EPS8: variants seen among roughly 807,000 people sequenced by gnomAD.
EPS8 encodes epidermal growth factor receptor kinase substrate 8.
Under a neutral mutation model 103.8 loss-of-function variants are expected in EPS8, and 42 were observed. The observed-to-expected ratio is 0.40, with a 90% CI of 0.32 to 0.52. EPS8 has a LOEUF of 0.52. EPS8 is among the 20% of genes least tolerant of loss of function. EPS8 has a pLI of 0.40. For missense variants in EPS8, 969 were observed against 1,005.1 expected, an observed-to-expected ratio of 0.96 and a Z score of 0.49; for synonymous variants, 344 against 344.6, an observed-to-expected ratio of 1.00 and a Z score of 0.02.
chr12:15,625,019 C>T (rs1944922434), intron 18 of EPS8, among the ~76,000 whole-genome samples: 1 of 152,170 alleles, frequency 6.6e-6, no homozygotes, highest in East Asian at 1.9e-4. Context: ...ATGTAACTGC[C>T]CACTGTCTTA....
chr12:15,650,771 ATACACAGATAAT>A (rs1277676699), intron 14 of EPS8, 40 bp downstream of exon 14: 19 of 1,403,780 alleles, frequency 1.4e-5, no homozygotes, highest in Non-Finnish European at 1.9e-5. Context: ...TTACAAGAGA[ATACACAGATAAT>A]TACACTGTCT....
chr12:15,631,618 G>A lies in EPS8; in HGVS notation c.1868C>T (p.Ala623Val). Residue 623 changes from alanine (A) to valine (V), a missense_variant, in exon 18 of 21, where the codon GCT becomes GTT. By Grantham distance (64) the Ala-to-Val change is moderately conservative. Transcript: ENST00000281172. ...AGCTGGTGTTGGAGGAGGTGATGGAGCAGGGGGAGTATCAGCTGGTCTTGG... is the reference window on the plus strand; with the variant it reads ...AGCTGGTGTTGGAGGAGGTGATGGAACAGGGGGAGTATCAGCTGGTCTTGG... Reference protein sequence around the residue: ...YGPRPADTPPAPSPPPTPAPV... With the variant: ...YGPRPADTPPVPSPPPTPAPV... 6.2e-7 allele frequency: 1 copy of A among 1,613,982 alleles called. No homozygotes were observed. The highest frequency in any genetic ancestry group is 8.5e-7 in the Non-Finnish European group (1 of 1,179,922).
intron 1 of EPS8, among the ~76,000 whole-genome samples, chr12:15,737,468 A>G (rs992975090): frequency 6.6e-6 from 1 of 152,116 alleles, no homozygotes; most frequent in Non-Finnish European, 1.5e-5. Context: ...AACAACAACA[A>G]CTAACATCTA....
rs143427706 is a variant in EPS8, at chr12:15,777,810, A to G, written c.-22+11351T>C. On this transcript the variant is annotated intron_variant, in intron 1 of 20. Transcript: ENST00000281172. This position sits in a 1 kb window ranked among gnomAD's most constrained non-coding sequence, Gnocchi z 4.7. ...AAGGGGGTGATGAAGGAAAGCCCACATGGTTATTTATCTGCTTCAAGAGTT... is the reference window on the plus strand; with the variant it reads ...AAGGGGGTGATGAAGGAAAGCCCACGTGGTTATTTATCTGCTTCAAGAGTT... Among the ~76,000 whole-genome samples the G allele has an allele frequency of 3.3e-5, 5 of 152,314 alleles. No homozygotes were observed. Among genetic ancestry groups the G allele is most frequent in the Admixed American group, 1.3e-4 (2 of 15,294 alleles).
rs1162919257 is a variant in EPS8 at position 15,769,746 on chromosome 12, T to G, written c.-22+19415A>C. Reference sequence around the variant, plus strand: ...TCAGTCTTTTGTCTAACACTAGCATTCACGAGAATCTGATCACAGAGCAAA... The same window carrying G: ...TCAGTCTTTTGTCTAACACTAGCATGCACGAGAATCTGATCACAGAGCAAA... On this transcript the variant is annotated intron_variant, in intron 1 of 20. Coordinates refer to ENST00000281172, the MANE Select transcript of EPS8 (RefSeq NM_004447.6). The surrounding 1 kb of genome is among the most constrained non-coding windows in gnomAD (Gnocchi z 4.6). 6.6e-6 allele frequency among the ~76,000 whole-genome samples: 1 copy of G among 152,166 alleles called. No individual in the cohort carries two copies. Among genetic ancestry groups the G allele is most frequent in the Non-Finnish European group, 1.5e-5 (1 of 68,022 alleles).
At chr12:15,742,486 A>C (rs1265811201) in intron 1 of EPS8, among the ~76,000 whole-genome samples, 1 of 152,152 alleles carries the variant, frequency 6.6e-6, no homozygotes, top group South Asian at 2.1e-4. Flanking sequence ...CAATATCCCT[A>C]ATGAACATCA....
chr12:15,750,554 A>T (rs1165335574), intron 1 of EPS8, among the ~76,000 whole-genome samples: 1 of 152,206 alleles, frequency 6.6e-6, no homozygotes, highest in East Asian at 1.9e-4. Context: ...AGGTAGATGA[A>T]GAGATGAATC....
rs1172134313 is a variant in EPS8, at chr12:15,776,780, T to C, written c.-22+12381A>G. ...TTGAGAATTTTAGCGTTTCCCCTTTTGCTACCGCCAAACTATTTTTATATC... is the reference window on the plus strand; with the variant it reads ...TTGAGAATTTTAGCGTTTCCCCTTTCGCTACCGCCAAACTATTTTTATATC... On this transcript the variant is annotated intron_variant, in intron 1 of 20. Transcript: ENST00000281172. The surrounding 1 kb of genome is among the most constrained non-coding windows in gnomAD (Gnocchi z 4.2). Among the ~76,000 whole-genome samples the C allele has an allele frequency of 6.6e-6, 1 of 152,202 alleles. No individual in the cohort carries two copies. The highest frequency in any genetic ancestry group is 2.4e-5 in the African/African-American group (1 of 41,452).
At chr12:15,640,226 C>T (rs1945205078) in intron 17 of EPS8, among the ~76,000 whole-genome samples, 1 of 152,118 alleles carries the variant, frequency 6.6e-6, no homozygotes, top group South Asian at 2.1e-4. Context: ...TGAACAGGTA[C>T]TCATGTATTA....
chr12:15,624,371 A>G lies in EPS8; in HGVS notation c.2081T>C (p.Leu694Pro). The G allele has an allele frequency of 1.3e-6, 2 of 1,588,300 alleles. No individual in the cohort carries two copies. Among genetic ancestry groups the G allele is most frequent in the Non-Finnish European group, 8.6e-7 (1 of 1,163,460 alleles). ...KSQMEEVQDE[L>P]IHRLTIGRSA... ...CCGACCAATGGTCAGTCTGTGGATG[A>G]GTTCATCTTGCACTTCCTCCATCTG... Residue 694 changes from leucine (L) to proline (P), a missense_variant, in exon 19 of 21, where the codon CTC becomes CCC. Leu to Pro is a moderately conservative substitution (Grantham distance 98, BLOSUM62 -3). Coordinates refer to ENST00000281172, the MANE Select transcript of EPS8 (RefSeq NM_004447.6).
chr12:15,622,861 A>C (rs1160308898), intron 20 of EPS8, among the ~76,000 whole-genome samples: 1 of 152,104 alleles, frequency 6.6e-6, no homozygotes, highest in African/African-American at 2.4e-5. Context: ...GCTAATTTCC[A>C]TTGTTATGTC....
chr12:15,788,385 A>ACAGTACTACGGGCCCAT, intron 1 of EPS8, among the ~76,000 whole-genome samples: 1 of 152,286 alleles, frequency 6.6e-6, no homozygotes, highest in Admixed American at 6.5e-5. Context: ...CGAGATTCCA[A>ACAGTACTACGGGCCCAT]CAGTACTACG....
rs754931768 is a variant in EPS8, at chr12:15,654,176, T to C, written c.1219A>G (p.Met407Val). The C allele has an allele frequency of 3.7e-6, 6 of 1,613,878 alleles. No individual in the cohort carries two copies. The highest frequency in any genetic ancestry group is 5.1e-6 in the Non-Finnish European group (6 of 1,179,828). The change falls in exon 13 of 21, where the codon ATG (methionine) becomes GTG (valine). Residue 407 changes from methionine (M) to valine (V), a missense_variant. Coordinates refer to ENST00000281172, the MANE Select transcript of EPS8 (RefSeq NM_004447.6). Reference protein sequence around the residue: ...TVNGDERQLWMSLGGTWMKAR... With the variant: ...TVNGDERQLWVSLGGTWMKAR... Reference sequence around the variant, plus strand: ...TTCATCCAAGTTCCTCCCAATGACATCCACAGCTGCCGTTCATCACCATTG... The same window carrying C: ...TTCATCCAAGTTCCTCCCAATGACACCCACAGCTGCCGTTCATCACCATTG...
intron 1 of EPS8, among the ~76,000 whole-genome samples, chr12:15,692,239 G>A (rs1239049154): frequency 1.3e-5 from 2 of 151,410 alleles, no homozygotes; most frequent in African/African-American, 4.9e-5. Context: ...AACTGTATAT[G>A]ATGAAAAATG....
intron 14 of EPS8, 86 bp from the exon 15 acceptor site, chr12:15,647,346 T>C (rs1211940135): frequency 4.2e-6 from 5 of 1,186,394 alleles, no homozygotes; most frequent in African/African-American, 1.5e-5. Context: ...CTCTCAACTA[T>C]ATTGTGATAA....
At chr12:15,640,056 C>T (rs531551365) in intron 17 of EPS8, among the ~76,000 whole-genome samples, 1 of 152,318 alleles carries the variant, frequency 6.6e-6, no homozygotes, top group Admixed American at 6.5e-5. Flanking sequence ...GGTGAATGAG[C>T]TGACCAGGGT....
chr12:15,635,687 A>G (rs1384099680), intron 17 of EPS8, among the ~76,000 whole-genome samples: 1 of 152,178 alleles, frequency 6.6e-6, no homozygotes, highest in Non-Finnish European at 1.5e-5. Flanking sequence ...TTTTATACCT[A>G]GACTGGATTG....
Position 15,647,230 on chromosome 12 carries a change from C to T in EPS8, c.1465G>A (p.Asp489Asn), listed in dbSNP as rs368192924. Reference protein sequence around the residue: ...HSSVSEYHPADGYAFSSNIYT... With the variant: ...HSSVSEYHPANGYAFSSNIYT... ...ATGTTGCTACTGAACGCATAGCCAT[C>T]GGCTGGATGATACTCTGATACACTG... The change falls in exon 15 of 21, where the codon GAT (aspartate) becomes AAT (asparagine). Residue 489 changes from aspartate (D) to asparagine (N), a missense_variant. Transcript: ENST00000281172. The T allele has an allele frequency of 7.1e-5, 115 of 1,613,330 alleles. No homozygotes were observed. The highest frequency in any genetic ancestry group is 5.0e-4 in the Middle Eastern group (3 of 6,056).
At chr12:15,741,970 T>C (rs1419595850) in intron 1 of EPS8, among the ~76,000 whole-genome samples, 1 of 152,192 alleles carries the variant, frequency 6.6e-6, no homozygotes, top group Non-Finnish European at 1.5e-5. Context: ...AGTGTTTGGT[T>C]TTCTGTCCTT....
Sources: gnomAD v4.1 joint callset for allele counts (sites outside exome capture counted in the v4.1 genomes callset) on GRCh38, gnomAD v4.1.1 for gene constraint, Gnocchi (gnomAD v3.1) non-coding constraint, MANE v1.5 for transcripts, NCBI Gene and HGNC (gene_info 2026-07-23, HGNC 2026-07-21) for gene names.